Variants in MMS22L observed in about 807,000 individuals in gnomAD.
The protein encoded by MMS22L is protein MMS22-like.
Under a neutral mutation model 159.1 loss-of-function variants are expected in MMS22L, and 74 were observed. The observed-to-expected ratio is 0.47, with a 90% CI of 0.39 to 0.56. The LOEUF (loss-of-function observed/expected upper bound fraction) is 0.56, where lower values mean the gene tolerates loss of function less well. Ranked by LOEUF, MMS22L falls within the 20% of genes least tolerant of loss-of-function variation. The probability of loss-of-function intolerance (pLI) is 0.00; values close to 1 mark genes in which losing one functional copy is unlikely to be tolerated. For synonymous variants in MMS22L, 517 were observed against 506.9 expected, an observed-to-expected ratio of 1.02 and a Z score of -0.27; for missense variants, 1,351 against 1,422.1, an observed-to-expected ratio of 0.95 and a Z score of 0.80.
At chr6:97,202,329 C>T (rs1412415587) in intron 14 of MMS22L, among the ~76,000 whole-genome samples, 1 of 152,178 alleles carries the variant, frequency 6.6e-6, no homozygotes, top group Admixed American at 6.5e-5. Context: ...TACCTGGCAA[C>T]CTCTCTATCC....
rs937553381 is a variant in MMS22L at position 97,165,266 on chromosome 6, T to C, written c.3201A>G (p.Lys1067=). 1 of 1,612,922 alleles carries C rather than the reference T, an allele frequency of 6.2e-7. No individual in the cohort carries two copies. Among genetic ancestry groups the C allele is most frequent in the Non-Finnish European group, 8.5e-7 (1 of 1,179,254 alleles). ...ATIPPISSLK[K]CIVQVIRKSY... is the part of the protein sequence containing the mutation. ...TGTACCTTATGACTTGCACAATGCA[T>C]TTCTTTAGAGATGATATTGGTGGAA... The change falls in exon 21 of 25, where the codon AAA becomes AAG. Residue 1067 remains lysine (K), a synonymous_variant. Coordinates refer to ENST00000683635, the MANE Select transcript of MMS22L (RefSeq NM_001350599.2).
At chr6:97,246,461 A>T (rs2128040779) in intron 11 of MMS22L, among the ~76,000 whole-genome samples, 167 bp downstream of exon 11, 1 of 152,368 alleles carries the variant, frequency 6.6e-6, no homozygotes, top group Admixed American at 6.5e-5. Flanking sequence ...TAGTGTTAAA[A>T]ATCTTTAAAG....
intron 4 of MMS22L, among the ~76,000 whole-genome samples, chr6:97,275,416 A>G (rs1268039195): frequency 2.6e-5 from 4 of 151,934 alleles, no homozygotes; most frequent in Non-Finnish European, 5.9e-5. Context: ...AATCCCAGCT[A>G]CTCGGGAGGC....
intron 14 of MMS22L, among the ~76,000 whole-genome samples, chr6:97,198,109 CTT>C (rs1324606792): frequency 6.6e-6 from 1 of 152,114 alleles, no homozygotes; most frequent in East Asian, 1.9e-4. Context: ...AAGCTTCTGC[CTT>C]GTTTGCTGGG....
chr6:97,265,426 T>C (rs1367739130), intron 8 of MMS22L: 2 of 152,100 alleles, frequency 1.3e-5, no homozygotes, highest in South Asian at 2.1e-4. Flanking sequence ...AAAAGCTATA[T>C]GACAATGGTC....
At chr6:97,163,685 A>G (rs942650300) in intron 21 of MMS22L, among the ~76,000 whole-genome samples, 5 of 152,084 alleles carry the variant, frequency 3.3e-5, no homozygotes, top group African/African-American at 4.8e-5. Context: ...CAAAACTATC[A>G]TAATTCTGCA....
rs773907641 is a variant in MMS22L at position 97,149,922 on chromosome 6, A to G, written c.3581T>C (p.Ile1194Thr). ...CTTCAGAGACTGAGTAAGGGTAGAA[A>G]TCAAGTGGATGACAACCTGCTGGTC... ...TLDQQVVIHLISTLTQSLKDS... is the reference protein window; with the variant it reads ...TLDQQVVIHLTSTLTQSLKDS... The change falls in exon 24 of 25, where the codon ATT becomes ACT. Residue 1194 changes from isoleucine (I) to threonine (T), a missense_variant. Transcript: ENST00000683635. 2.6e-5 allele frequency: 42 copies of G among 1,613,610 alleles called. No individual in the cohort carries two copies. The South Asian group carries it at 4.5e-4, about 17-fold the overall frequency.
chr6:97,246,296 T>A, intron 11 of MMS22L: 1 of 371,562 alleles, frequency 2.7e-6, no homozygotes, highest in South Asian at 2.2e-5. Context: ...TATAGCTGAA[T>A]TTTCAATGCC....
intron 4 of MMS22L, among the ~76,000 whole-genome samples, chr6:97,275,896 G>A (rs1303491857): frequency 6.6e-6 from 1 of 152,024 alleles, no homozygotes; most frequent in Non-Finnish European, 1.5e-5. Flanking sequence ...TCAGCTACTT[G>A]GGAAGCTGAG....
At chr6:97,153,169 T>C (rs1311089438) in intron 22 of MMS22L, among the ~76,000 whole-genome samples, 1 of 152,098 alleles carries the variant, frequency 6.6e-6, no homozygotes, top group East Asian at 1.9e-4. Flanking sequence ...AAGAGCTTTA[T>C]TGTCATATAA....
intron 10 of MMS22L, among the ~76,000 whole-genome samples, chr6:97,247,843 T>C (rs577878197): frequency 6.6e-6 from 1 of 152,362 alleles, no homozygotes; most frequent in African/African-American, 2.4e-5. Flanking sequence ...TTCAGAGGCA[T>C]GAACTCAAAT....
intron 4 of MMS22L, among the ~76,000 whole-genome samples, chr6:97,277,749 G>A (rs534681739): frequency 3.3e-5 from 5 of 152,084 alleles, no homozygotes; most frequent in South Asian, 4.2e-4. Flanking sequence ...TAAGCCCTAC[G>A]GAAAATCACC....
intron 10 of MMS22L, among the ~76,000 whole-genome samples, chr6:97,247,941 G>A (rs1812842588): frequency 1.3e-5 from 2 of 152,166 alleles, no homozygotes; most frequent in South Asian, 4.1e-4. Context: ...CAGTAAATCA[G>A]TAAATCAATA....
chr6:97,201,800 A>G (rs1807197160), intron 14 of MMS22L, among the ~76,000 whole-genome samples: 1 of 152,132 alleles, frequency 6.6e-6, no homozygotes, highest in African/African-American at 2.4e-5. Flanking sequence ...TTATTACTCT[A>G]TGAGTGCAAT....
chr6:97,181,565 C>T (rs1804709635), intron 16 of MMS22L, among the ~76,000 whole-genome samples: 1 of 152,046 alleles, frequency 6.6e-6, no homozygotes, highest in Non-Finnish European at 1.5e-5. Flanking sequence ...GTAATAAATA[C>T]CAGTATCTTA....
rs369697897 is a variant in MMS22L, at chr6:97,262,552, C to T, written c.942+783G>A. On this transcript the variant is annotated intron_variant, in intron 9 of 24. Coordinates refer to ENST00000683635, the MANE Select transcript of MMS22L (RefSeq NM_001350599.2). The stretch of plus-strand genomic sequence containing the variant: ...CCTAGCTACTCAGGATGCTAAGGCA[C>T]GAGAATTGCTTGAACTGGGAGGCGG... Among the ~76,000 whole-genome samples, 53 of 149,438 alleles carry T rather than the reference C, an allele frequency of 3.5e-4. 1 individual carries two copies. The East Asian group carries it at 4.8e-3, about 14-fold the overall frequency.
At chr6:97,166,281 T>C (rs945358654) in intron 20 of MMS22L, among the ~76,000 whole-genome samples, 2 of 152,182 alleles carry the variant, frequency 1.3e-5, no homozygotes, top group East Asian at 1.9e-4. Context: ...CTACTAAATA[T>C]AGATAATCAC....
intron 11 of MMS22L, chr6:97,245,870 CACACACACACACACACACACAT>C (rs1251365644): frequency 1.4e-5 from 2 of 144,942 alleles, no homozygotes; most frequent in Non-Finnish European, 3.0e-5. Context: ...CACACACACA[CACACACACACACACACACACAT>C]ATAAAGCAAT....
chr6:97,224,522 C>T (rs1810010300), intron 14 of MMS22L, among the ~76,000 whole-genome samples: 1 of 150,928 alleles, frequency 6.6e-6, no homozygotes, highest in African/African-American at 2.4e-5. Flanking sequence ...ATATACTTGT[C>T]TCCACACCTC....
Sources: allele counts gnomAD v4.1 joint callset (sites outside exome capture counted in the v4.1 genomes callset), GRCh38; gene constraint gnomAD v4.1.1; transcripts MANE v1.5; gene names NCBI Gene and HGNC (gene_info 2026-07-23, HGNC 2026-07-21).